SINHCAF: variants seen among roughly 807,000 people sequenced by gnomAD.
SINHCAF encodes the protein SIN3-HDAC complex-associated factor.
Under a neutral mutation model 25.8 loss-of-function variants are expected in SINHCAF, and 3 were observed. That is an observed-to-expected ratio of 0.12 (90% CI 0.05 to 0.30). The LOEUF is 0.30. SINHCAF is among the 10% of genes least tolerant of loss of function. The pLI is 1.00. For missense variants in SINHCAF, 121 were observed against 262.3 expected (o/e 0.46, Z 3.72); for synonymous variants, 70 against 85.5 (o/e 0.82, Z 1.00).
At chr12:31,283,016 TAG>T (rs1255395923) in intron 5 of SINHCAF, 145 bp from the exon 6 acceptor site, 1 of 555,174 alleles carries the variant, frequency 1.8e-6, no homozygotes, top group Non-Finnish European at 3.0e-6. Context: ...AAAGGGCTCC[TAG>T]AGTAACCCCA....
At chr12:31,299,902 GA>G (rs1229178619) in intron 1 of SINHCAF, among the ~76,000 whole-genome samples, 2 of 152,320 alleles carry the variant, frequency 1.3e-5, no homozygotes, top group Non-Finnish European at 1.5e-5. Context: ...TACAGCGTGT[GA>G]CGGTACTGAA....
chr12:31,306,491 C>T (rs115611220), intron 1 of SINHCAF, among the ~76,000 whole-genome samples: 48 of 152,078 alleles, frequency 3.2e-4, no homozygotes, highest in Non-Finnish European at 6.0e-4. Flanking sequence ...GTTCAGTTTG[C>T]GGGAAAAGTA....
chr12:31,324,101 G>A lies in SINHCAF; in HGVS notation c.-21+1923C>T, dbSNP rs1939838757. 2 of 453,778 alleles carry A rather than the reference G, an allele frequency of 4.4e-6. No homozygotes were observed. Among genetic ancestry groups the A allele is most frequent in the South Asian group, 3.1e-5 (2 of 64,448 alleles). 28.1% of individuals were successfully genotyped at this position (453,778 alleles called of 1,614,324 possible). A position where few individuals can be genotyped will look rare whatever the true frequency, so the allele number is the denominator to read the frequency against. On this transcript the variant is annotated intron_variant, in intron 1 of 5. Transcript: ENST00000337682. The surrounding 1 kb of genome is among the most constrained non-coding windows in gnomAD (Gnocchi z 5.5). ...GGGGGCCGCTCGCCGGGGCGAGGGC[G>A]AGGGCAGCGGGAGGTGAACCGCGTC...
chr12:31,295,354 C>T (rs771188264), intron 2 of SINHCAF, 21 bp from the exon 3 acceptor site: 1 of 1,485,562 alleles, frequency 6.7e-7, no homozygotes, highest in Non-Finnish European at 9.4e-7. Context: ...AACAATCAAA[C>T]CTTTATCAGT....
chr12:31,310,342 T>C (rs16918578), intron 1 of SINHCAF, among the ~76,000 whole-genome samples: 3,096 of 152,290 alleles, frequency 0.02, 105 homozygotes, highest in African/African-American at 0.071. Flanking sequence ...ACTATTGTGT[T>C]AATTTCTCCC....
intron 1 of SINHCAF, among the ~76,000 whole-genome samples, chr12:31,308,097 C>T (rs1939109345): frequency 6.6e-6 from 1 of 152,228 alleles, no homozygotes; most frequent in African/African-American, 2.4e-5. Context: ...TTTGCCACCA[C>T]ATCTGGCTAA....
At chr12:31,309,127 C>CAAAAAA (rs757095598) in intron 1 of SINHCAF, among the ~76,000 whole-genome samples, 3 of 75,422 alleles carry the variant, frequency 4.0e-5, no homozygotes, top group African/African-American at 5.1e-5. Flanking sequence ...GATTCTGTCT[C>CAAAAAA]AAAAAAAAAA....
At chr12:31,305,727 T>C (rs1294601834) in intron 1 of SINHCAF, among the ~76,000 whole-genome samples, 1 of 145,726 alleles carries the variant, frequency 6.9e-6, no homozygotes, top group Non-Finnish European at 1.5e-5. Flanking sequence ...TGAGACTAAG[T>C]CTCGCTCTGT....
At chr12:31,310,589 G>A (rs1487190142) in intron 1 of SINHCAF, among the ~76,000 whole-genome samples, 3 of 152,152 alleles carry the variant, frequency 2.0e-5, no homozygotes, top group Admixed American at 1.3e-4. Flanking sequence ...ACAGCCTTTT[G>A]ATTTTCCTTT....
At chr12:31,297,949 C>T in intron 2 of SINHCAF, 128 bp downstream of exon 2, 2 of 975,684 alleles carry the variant, frequency 2.0e-6, no homozygotes, top group Non-Finnish European at 3.1e-6. Context: ...AGGAGACTTA[C>T]ACAGCCTAAA....
chr12:31,282,531 A>C lies in SINHCAF; in HGVS notation c.*181T>G. 1 of 470,342 alleles carries C rather than the reference A, an allele frequency of 2.1e-6. No homozygotes were observed. Among genetic ancestry groups the C allele is most frequent in the Non-Finnish European group, 3.7e-6 (1 of 267,574 alleles). The allele number at this position is 470,342 out of a possible 1,614,324, so 29.1% of individuals were successfully genotyped here. A position where few individuals can be genotyped will look rare whatever the true frequency, so the allele number is the denominator to read the frequency against. The stretch of plus-strand genomic sequence containing the variant: ...CAGCTACTTGGGAGGCTGAGGCAGG[A>C]GAATCACTTGAACCCGGGAGACGGA... On this transcript the variant is annotated 3_prime_UTR_variant, in exon 6 of 6. Coordinates refer to ENST00000337682, the MANE Select transcript of SINHCAF (RefSeq NM_001135812.2).
At chr12:31,312,881 T>C (rs1939331975) in intron 1 of SINHCAF, among the ~76,000 whole-genome samples, 1 of 152,196 alleles carries the variant, frequency 6.6e-6, no homozygotes, top group Non-Finnish European at 1.5e-5. Context: ...TCCAGAAGTT[T>C]GTTTTCCTTT....
At chr12:31,322,604 T>A (rs1263816169) in intron 1 of SINHCAF, among the ~76,000 whole-genome samples, 3 of 152,196 alleles carry the variant, frequency 2.0e-5, no homozygotes, top group Non-Finnish European at 4.4e-5. Flanking sequence ...AGAAATGTAC[T>A]AATATAGGTT....
intron 1 of SINHCAF, among the ~76,000 whole-genome samples, chr12:31,305,880 A>G (rs1035074105): frequency 6.6e-6 from 1 of 152,008 alleles, no homozygotes; most frequent in Non-Finnish European, 1.5e-5. Flanking sequence ...TTGTATTGTT[A>G]GTGGAGACAG....
chr12:31,289,937 G>T lies in SINHCAF; in HGVS notation c.356-2153C>A, dbSNP rs115328118. On this transcript the variant is annotated intron_variant, in intron 4 of 5. Coordinates refer to ENST00000337682, the MANE Select transcript of SINHCAF (RefSeq NM_001135812.2). ...CCTCCTGAGCTCAAGCAATCCTCCC[G>T]TCTCAGTCTCCTGAGTAGCTGGGAC... 6.0e-3 allele frequency among the ~76,000 whole-genome samples: 911 copies of T among 150,754 alleles called. 13 individuals are homozygous for T. Among genetic ancestry groups the T allele is most frequent in the African/African-American group, 0.021 (864 of 40,972 alleles).
rs142783565 is a variant in SINHCAF, at chr12:31,290,425, C to A, written c.356-2641G>T. ...GAGCCACCACACCCAGTCAAGAAAACGTTTTCTGAATAGAGCTCACAAATA... is the reference window on the plus strand; with the variant it reads ...GAGCCACCACACCCAGTCAAGAAAAAGTTTTCTGAATAGAGCTCACAAATA... On this transcript the variant is annotated intron_variant, in intron 4 of 5. Transcript: ENST00000337682. Among the ~76,000 whole-genome samples the A allele has an allele frequency of 6.0e-3, 917 of 152,146 alleles. 12 individuals carry two copies. The highest frequency in any genetic ancestry group is 0.021 in the African/African-American group (870 of 41,500).
Position 31,286,495 on chromosome 12 carries a change from C to CT in SINHCAF, c.506+1138dup, listed in dbSNP as rs372185980. On this transcript the variant is annotated intron_variant, in intron 5 of 5. Coordinates refer to ENST00000337682, the MANE Select transcript of SINHCAF (RefSeq NM_001135812.2). ...TGACCAACATGGTGAAACCCCTTTT[C>CT]TACTAAAAATACAAAAATTTAGCCA... Among the ~76,000 whole-genome samples the CT allele has an allele frequency of 4.4e-3, 664 of 152,058 alleles. 6 individuals carry two copies. The highest frequency in any genetic ancestry group is 0.015 in the African/African-American group (636 of 41,472).
At chr12:31,299,260 T>C (rs150517948) in intron 1 of SINHCAF, among the ~76,000 whole-genome samples, 3 of 152,252 alleles carry the variant, frequency 2.0e-5, no homozygotes, top group African/African-American at 7.2e-5. Context: ...TGTGTATGTA[T>C]GAGGGTCTAA....
chr12:31,287,890 A>T, intron 4 of SINHCAF, 106 bp from the exon 5 acceptor site: 1 of 719,318 alleles, frequency 1.4e-6, no homozygotes, highest in Non-Finnish European at 2.1e-6. Flanking sequence ...AAAAAGAAAA[A>T]GTAAAAAATA....
Sources: allele counts gnomAD v4.1 joint callset (sites outside exome capture counted in the v4.1 genomes callset), GRCh38; gene constraint gnomAD v4.1.1; non-coding constraint Gnocchi (gnomAD v3.1); transcripts MANE v1.5; gene names NCBI Gene and HGNC (gene_info 2026-07-23, HGNC 2026-07-21).